The following MERTK variants were observed in gnomAD, a reference collection of about 807,000 sequenced individuals.
MERTK encodes the protein MER proto-oncogene, tyrosine kinase.
A neutral mutation model predicts 99.3 loss-of-function variants in MERTK; 69 were observed. The ratio of observed to expected loss-of-function variants is 0.70; its 90% CI spans 0.57 to 0.85. MERTK has a LOEUF of 0.85. Ranked by LOEUF, MERTK falls within the 40% of genes least tolerant of loss-of-function variation. The probability of loss-of-function intolerance (pLI) is 0.00; values close to 1 mark genes in which losing one functional copy is unlikely to be tolerated. For missense variants in MERTK, 1,125 were observed against 1,249.4 expected (o/e 0.90, Z 1.50); for synonymous variants, 426 against 467.6 (o/e 0.91, Z 1.15).
intron 1 of MERTK, among the ~76,000 whole-genome samples, chr2:111,902,808 C>CTCCT (rs5833423): frequency 6.9e-6 from 1 of 143,940 alleles, no homozygotes; most frequent in African/African-American, 2.6e-5. Flanking sequence ...CTCCCTCCCT[C>CTCCT]TATTTCTTTA....
chr2:112,023,959 C>T (rs150588227), intron 18 of MERTK, among the ~76,000 whole-genome samples: 71 of 152,246 alleles, frequency 4.7e-4, no homozygotes, highest in Admixed American at 3.6e-3. Context: ...TCCCTTTGCC[C>T]ACAGGCTTTC....
At chr2:111,976,384 G>A (rs1676247195) in intron 7 of MERTK, among the ~76,000 whole-genome samples, 1 of 152,188 alleles carries the variant, frequency 6.6e-6, no homozygotes, top group South Asian at 2.1e-4. Flanking sequence ...CTGCATTGAG[G>A]CAGGTGAAAG....
Position 112,006,745 on chromosome 2 carries a change from G to A in MERTK, c.1868-1638G>A, listed in dbSNP as rs1236597329. Among the ~76,000 whole-genome samples the A allele has an allele frequency of 3.3e-5, 5 of 152,198 alleles. No homozygotes were observed. The East Asian group carries it at 7.7e-4, about 23-fold the overall frequency. ...TTTACCTGCAGGTTGGACCCCTGGG[G>A]AATAGTCTGCAGGCAGAGCCCTACC... is the stretch of plus-strand genomic sequence containing the variant. On this transcript the variant is annotated intron_variant, in intron 13 of 18. Transcript: ENST00000295408.
At chr2:111,940,578 A>G (rs930967147) in intron 2 of MERTK, 2 of 639,050 alleles carry the variant, frequency 3.1e-6, no homozygotes, top group African/African-American at 3.6e-5. Flanking sequence ...GAATTGCCTT[A>G]AGCATTACCA....
intron 4 of MERTK, among the ~76,000 whole-genome samples, chr2:111,958,756 C>T (rs1685193830): frequency 6.6e-6 from 1 of 152,136 alleles, no homozygotes; most frequent in African/African-American, 2.4e-5. Flanking sequence ...TCCCTTTCAG[C>T]ATTAATAAAC....
At chr2:111,899,765 CT>C (rs1443962505) in intron 1 of MERTK, among the ~76,000 whole-genome samples, 2 of 152,136 alleles carry the variant, frequency 1.3e-5, no homozygotes, top group East Asian at 3.9e-4. Flanking sequence ...ATCTGCTCTC[CT>C]TGGCCTCCCA....
intron 7 of MERTK, among the ~76,000 whole-genome samples, chr2:111,976,721 C>T (rs1055818957): frequency 6.6e-6 from 1 of 151,254 alleles, no homozygotes; most frequent in African/African-American, 2.4e-5. Flanking sequence ...TCCTTTTCTT[C>T]TTTTTCTTCA....
chr2:111,902,532 C>T (rs1684062845), intron 1 of MERTK, among the ~76,000 whole-genome samples: 1 of 152,160 alleles, frequency 6.6e-6, no homozygotes, highest in South Asian at 2.1e-4. Flanking sequence ...CCACTCCAGC[C>T]ACCTGTGTCT....
At chr2:111,953,658 C>T (rs1685096294) in intron 4 of MERTK, among the ~76,000 whole-genome samples, 1 of 152,158 alleles carries the variant, frequency 6.6e-6, no homozygotes, top group African/African-American at 2.4e-5. Context: ...TTATCGCAAC[C>T]TCTGCCTCCA....
intron 1 of MERTK, among the ~76,000 whole-genome samples, chr2:111,919,699 T>G (rs1263816131): frequency 6.6e-6 from 1 of 151,920 alleles, no homozygotes; most frequent in Non-Finnish European, 1.5e-5. Flanking sequence ...CTAAAGCCCT[T>G]TGGGGCCCTT....
intron 15 of MERTK, among the ~76,000 whole-genome samples, chr2:112,012,196 G>A (rs1343177437): frequency 2.0e-5 from 3 of 152,148 alleles, no homozygotes; most frequent in Non-Finnish European, 2.9e-5. Flanking sequence ...TGTTTAGAAG[G>A]AGGGATTGTG....
intron 6 of MERTK, among the ~76,000 whole-genome samples, chr2:111,970,010 C>G (rs1676064224): frequency 6.6e-6 from 1 of 151,848 alleles, no homozygotes; most frequent in Non-Finnish European, 1.5e-5. Context: ...TTAATTCTTG[C>G]TCAGTTTTGT....
chr2:111,958,549 G>T (rs1010327790), intron 4 of MERTK, among the ~76,000 whole-genome samples: 1 of 152,128 alleles, frequency 6.6e-6, no homozygotes, highest in Non-Finnish European at 1.5e-5. Context: ...TTTGGCCTAT[G>T]GGCACCAACC....
chr2:111,918,519 A>G (rs142419324), intron 1 of MERTK, among the ~76,000 whole-genome samples: 1 of 152,352 alleles, frequency 6.6e-6, no homozygotes, highest in Non-Finnish European at 1.5e-5. Flanking sequence ...GACCCTGGCC[A>G]GACAGTATTG....
At chr2:112,020,487 C>T in intron 16 of MERTK, 5 of 435,198 alleles carry the variant, frequency 1.1e-5, no homozygotes, top group Non-Finnish European at 1.9e-5. Context: ...TATTTCTTCT[C>T]CTTCTCTTCC....
At chr2:111,922,107 G>A (rs1393225042) in intron 1 of MERTK, among the ~76,000 whole-genome samples, 1 of 152,132 alleles carries the variant, frequency 6.6e-6, no homozygotes, top group Non-Finnish European at 1.5e-5. Context: ...AGCTGGGGTG[G>A]GGTGGAACTG....
At chr2:111,969,893 G>A (rs1021217011) in intron 6 of MERTK, among the ~76,000 whole-genome samples, 8 of 151,578 alleles carry the variant, frequency 5.3e-5, no homozygotes, top group Non-Finnish European at 8.8e-5. Context: ...GGGTTTCACC[G>A]TGTTAGCCAG....
chr2:111,899,334 G>GC lies in MERTK; in HGVS notation c.61+538_61+539insC, dbSNP rs202124552. On this transcript the variant is annotated intron_variant, in intron 1 of 18. Coordinates refer to ENST00000295408, the MANE Select transcript of MERTK (RefSeq NM_006343.3). ...GACTGAGGCCGAGCGACGGGCCAGG[G>GC]GGGGACGGCAGTCCTGGCTGCTCCC... is the stretch of plus-strand genomic sequence containing the variant. Among the ~76,000 whole-genome samples the GC allele has an allele frequency of 3.9e-5, 6 of 152,174 alleles. No individual in the cohort carries two copies. The East Asian group carries it at 9.7e-4, about 25-fold the overall frequency.
intron 1 of MERTK, 66 bp downstream of exon 1, chr2:111,898,862 G>A (rs1055036605): frequency 2.0e-6 from 3 of 1,496,936 alleles, no homozygotes; most frequent in South Asian, 2.5e-5. Flanking sequence ...AGGGGCCTCT[G>A]GGGAGGGAGC....
Sources: gnomAD v4.1 joint callset for allele counts (sites outside exome capture counted in the v4.1 genomes callset) on GRCh38, gnomAD v4.1.1 for gene constraint, MANE v1.5 for transcripts, NCBI Gene and HGNC (gene_info 2026-07-23, HGNC 2026-07-21) for gene names.